The following MAGI1 variants were observed in gnomAD, a reference collection of about 807,000 sequenced individuals.
MAGI1 encodes the protein membrane associated guanylate kinase, WW and PDZ domain containing 1.
In MAGI1, 58 loss-of-function variants were observed where a neutral mutation model predicts 139.9. The observed-to-expected ratio is 0.41, with a 90% CI of 0.34 to 0.52. MAGI1 has a LOEUF of 0.52. Among genes scored for constraint, MAGI1 ranks in the 20% least tolerant of loss-of-function variants. The probability of loss-of-function intolerance (pLI) is 0.12; values close to 1 mark genes in which losing one functional copy is unlikely to be tolerated. For synonymous variants in MAGI1, 812 were observed against 737.9 expected, an observed-to-expected ratio of 1.10 and a Z score of -1.63; for missense variants, 1,874 against 1,901.6, an observed-to-expected ratio of 0.99 and a Z score of 0.27.
At position 65,423,860 on chromosome 3, in the gene MAGI1, T is replaced by A. The variant is rs112665094; in HGVS notation, c.2167+5660A>T. 8.6e-3 allele frequency among the ~76,000 whole-genome samples: 1,312 copies of A among 152,358 alleles called. 16 individuals are homozygous for A. The highest frequency in any genetic ancestry group is 0.027 in the African/African-American group (1,105 of 41,588). ...ACTGTAGAAGCATTTATTGTTTTCA[T>A]TCCAAATCTTATGCAGGTTTTCCCA... On this transcript the variant is annotated intron_variant, in intron 12 of 22. Transcript: ENST00000402939.
chr3:65,461,138 T>C (rs1236119359), intron 5 of MAGI1, among the ~76,000 whole-genome samples: 2 of 152,176 alleles, frequency 1.3e-5, no homozygotes, highest in African/African-American at 2.4e-5. Context: ...TCTTCCACAA[T>C]GGTTGAACTA....
chr3:65,985,630 TTAAAA>T (rs1248840130), intron 1 of MAGI1, among the ~76,000 whole-genome samples: 4 of 152,318 alleles, frequency 2.6e-5, no homozygotes, highest in East Asian at 1.9e-4. Context: ...CTTTGAAAAC[TTAAAA>T]TAAACATCGT....
intron 3 of MAGI1, among the ~76,000 whole-genome samples, chr3:65,486,747 T>C (rs889721299): frequency 6.6e-6 from 1 of 152,154 alleles, no homozygotes; most frequent in Non-Finnish European, 1.5e-5. Context: ...ATTCTTTACA[T>C]CGCCAGGAAG....
chr3:65,669,554 C>T (rs2086730137), intron 1 of MAGI1, among the ~76,000 whole-genome samples: 1 of 152,200 alleles, frequency 6.6e-6, no homozygotes, highest in Non-Finnish European at 1.5e-5. Flanking sequence ...TGCTCTCGAC[C>T]AGTCTGCTTT....
chr3:65,693,206 A>C (rs2088837031), intron 1 of MAGI1, among the ~76,000 whole-genome samples: 1 of 152,146 alleles, frequency 6.6e-6, no homozygotes, highest in Non-Finnish European at 1.5e-5. Flanking sequence ...CAGCCTCCCA[A>C]AGTGCTGGGA....
intron 4 of MAGI1, among the ~76,000 whole-genome samples, chr3:65,473,011 T>G (rs1950647792): frequency 6.6e-6 from 1 of 152,212 alleles, no homozygotes; most frequent in Non-Finnish European, 1.5e-5. Flanking sequence ...TAACCTTGTG[T>G]GCCTTCACTT....
intron 1 of MAGI1, among the ~76,000 whole-genome samples, chr3:65,789,864 C>G (rs7650733): frequency 0.066 from 10,093 of 152,230 alleles, 666 homozygotes; most frequent in African/African-American, 0.17. Flanking sequence ...ATAATTTGGA[C>G]AAATTTTCCT....
chr3:65,357,397 A>G (rs558425303), intron 22 of MAGI1, among the ~76,000 whole-genome samples: 2 of 152,120 alleles, frequency 1.3e-5, no homozygotes, highest in Non-Finnish European at 2.9e-5. Context: ...GACAAAAATC[A>G]GTCATGATTT....
At chr3:65,890,394 C>G (rs1406436068) in intron 1 of MAGI1, among the ~76,000 whole-genome samples, 2 of 152,062 alleles carry the variant, frequency 1.3e-5, no homozygotes, top group Non-Finnish European at 2.9e-5. Flanking sequence ...CAAAAAAACT[C>G]ATCATATGCC....
rs141702684 is a variant in MAGI1 at position 65,499,739 on chromosome 3, T to A, written c.431-6108A>T. ...AGATGTAAACTATCACTGCATTTCA[T>A]TGAAAAACAGAATATGGCTTGTTTT... On this transcript the variant is annotated intron_variant, in intron 2 of 22. Transcript: ENST00000402939. Among the ~76,000 whole-genome samples the A allele has an allele frequency of 3.3e-5, 5 of 152,366 alleles. No individual in the cohort carries two copies. In the East Asian group the frequency reaches 7.7e-4, roughly 23 times the overall value.
At chr3:65,379,188 C>A in intron 17 of MAGI1, 73 bp downstream of exon 17, 1 of 1,600,234 alleles carries the variant, frequency 6.2e-7, no homozygotes, top group Non-Finnish European at 8.5e-7. Flanking sequence ...TCTGAGTCAG[C>A]TTTCACTCGC....
chr3:65,410,572 C>T (rs1265711381), intron 12 of MAGI1, among the ~76,000 whole-genome samples: 4 of 152,312 alleles, frequency 2.6e-5, no homozygotes, highest in African/African-American at 9.6e-5. Context: ...TTTAATATAG[C>T]TTTATGAAAT....
intron 1 of MAGI1, among the ~76,000 whole-genome samples, chr3:65,875,417 T>A (rs1431993814): frequency 6.6e-6 from 1 of 152,200 alleles, no homozygotes; most frequent in East Asian, 1.9e-4. Context: ...GTTATGTATT[T>A]CAGAAAAGAA....
At chr3:66,016,276 T>A (rs2067631918) in intron 1 of MAGI1, among the ~76,000 whole-genome samples, 2 of 152,166 alleles carry the variant, frequency 1.3e-5, no homozygotes, top group African/African-American at 4.8e-5. Flanking sequence ...CCTGTAGCAA[T>A]CATATAAGAT....
At chr3:66,010,186 A>G (rs1184560743) in intron 1 of MAGI1, among the ~76,000 whole-genome samples, 1 of 151,996 alleles carries the variant, frequency 6.6e-6, no homozygotes, top group Non-Finnish European at 1.5e-5. Flanking sequence ...GCTAAGCATC[A>G]CATGTATTAG....
At chr3:65,733,968 TAC>T (rs2034448939) in intron 1 of MAGI1, among the ~76,000 whole-genome samples, 1 of 152,204 alleles carries the variant, frequency 6.6e-6, no homozygotes, top group East Asian at 1.9e-4. Context: ...TTCTGAGTGT[TAC>T]TTTTCTCCAT....
chr3:65,800,409 A>C lies in MAGI1; in HGVS notation c.314-178321T>G, dbSNP rs186631597. On this transcript the variant is annotated intron_variant, in intron 1 of 22. Transcript: ENST00000402939. The stretch of plus-strand genomic sequence containing the variant: ...ATACACTGAAGAGTATCTTTTAGTA[A>C]TTGTGAATTTCTTTTTTATCCCCAC... Among the ~76,000 whole-genome samples, 236 of 152,248 alleles carry C rather than the reference A, an allele frequency of 1.6e-3. 1 individual carries two copies. The highest frequency in any genetic ancestry group is 3.4e-3 in the Middle Eastern group (1 of 294).
intron 12 of MAGI1, among the ~76,000 whole-genome samples, chr3:65,408,375 G>C (rs1435147514): frequency 1.3e-5 from 2 of 152,178 alleles, no homozygotes; most frequent in Non-Finnish European, 2.9e-5. Flanking sequence ...AAGAACACAG[G>C]TAATTTTCAG....
chr3:65,888,252 T>C lies in MAGI1; in HGVS notation c.313+149744A>G, dbSNP rs1483426681. On this transcript the variant is annotated intron_variant, in intron 1 of 22. Transcript: ENST00000402939. ...ACAGGACTTAAAATCTAAGAAGCCA[T>C]ATGAAGCATCAGAACCCATCTCAAT... is the stretch of plus-strand genomic sequence containing the variant. Among the ~76,000 whole-genome samples, 3 of 152,146 alleles carry C rather than the reference T, an allele frequency of 2.0e-5. No individual in the cohort carries two copies. In the East Asian group the frequency reaches 5.8e-4, roughly 29 times the overall value.
Sources: allele counts gnomAD v4.1 joint callset (sites outside exome capture counted in the v4.1 genomes callset), GRCh38; gene constraint gnomAD v4.1.1; transcripts MANE v1.5; gene names NCBI Gene and HGNC (gene_info 2026-07-23, HGNC 2026-07-21).